Variants in ASAP2 observed in about 807,000 individuals in gnomAD.
ASAP2 encodes the protein ArfGAP with SH3 domain, ankyrin repeat and PH domain 2.
ASAP2 carries 45 observed loss-of-function variants against 131.4 expected under a neutral mutation model. That is an observed-to-expected ratio of 0.34 (90% CI 0.27 to 0.44). The LOEUF (loss-of-function observed/expected upper bound fraction) is 0.44. Ranked by LOEUF, ASAP2 falls within the 20% of genes least tolerant of loss-of-function variation. The probability of loss-of-function intolerance (pLI) is 1.00; values close to 1 mark genes in which losing one functional copy is unlikely to be tolerated. For missense variants in ASAP2, 1,011 were observed against 1,297.0 expected (o/e 0.78, Z 3.39); for synonymous variants, 510 against 503.0 (o/e 1.01, Z -0.19).
chr2:9,296,847 A>G (rs1327663315), intron 2 of ASAP2, among the ~76,000 whole-genome samples: 29 of 152,180 alleles, frequency 1.9e-4, no homozygotes, highest in Admixed American at 1.9e-3. Flanking sequence ...TGCAAAGACC[A>G]CTGCTGTTGC....
At position 9,392,694 on chromosome 2, in the gene ASAP2, C is replaced by T. The variant is rs969029272; in HGVS notation, c.2519-788C>T. Among the ~76,000 whole-genome samples the T allele has an allele frequency of 1.3e-5, 2 of 152,162 alleles. No individual in the cohort carries two copies. The highest frequency in any genetic ancestry group is 4.8e-5 in the African/African-American group (2 of 41,414). On this transcript the variant is annotated intron_variant, in intron 23 of 27. Coordinates refer to ENST00000281419, the MANE Select transcript of ASAP2 (RefSeq NM_003887.3). This position sits in a 1 kb window ranked among gnomAD's most constrained non-coding sequence, Gnocchi z 4.0. ...CATAAGCTGGATCCCTTCATGTTTC[C>T]CCACGCCAGTTTCCTCTCTGTGTAG...
At chr2:9,309,970 C>T (rs1669195739) in intron 3 of ASAP2, among the ~76,000 whole-genome samples, 1 of 152,206 alleles carries the variant, frequency 6.6e-6, no homozygotes, top group Non-Finnish European at 1.5e-5. Flanking sequence ...GCTCTGGCTC[C>T]TGGAGGTGGC....
chr2:9,225,083 G>T (rs1167700437), intron 1 of ASAP2, among the ~76,000 whole-genome samples: 1 of 152,206 alleles, frequency 6.6e-6, no homozygotes, highest in Non-Finnish European at 1.5e-5. Context: ...GCCTGTTTTT[G>T]TATGCAAAAA....
At chr2:9,256,490 A>G (rs1398446997) in intron 1 of ASAP2, among the ~76,000 whole-genome samples, 4 of 152,226 alleles carry the variant, frequency 2.6e-5, no homozygotes, top group South Asian at 2.1e-4. Context: ...TATCTGAGAT[A>G]AGGACTGCAA....
chr2:9,259,560 A>G (rs1404076223), intron 1 of ASAP2, among the ~76,000 whole-genome samples: 1 of 77,078 alleles, frequency 1.3e-5, no homozygotes, highest in Non-Finnish European at 2.7e-5. Flanking sequence ...TTTCAGCCCA[A>G]AACCTTAAGG....
chr2:9,270,944 C>T (rs539173145), intron 1 of ASAP2, among the ~76,000 whole-genome samples: 9 of 151,820 alleles, frequency 5.9e-5, no homozygotes, highest in Middle Eastern at 3.4e-3. Context: ...AGGTGCCCGC[C>T]ACTACGCCCG....
intron 9 of ASAP2, 134 bp from the exon 10 acceptor site, chr2:9,344,398 G>A: frequency 1.5e-6 from 1 of 681,000 alleles, no homozygotes; most frequent in Non-Finnish European, 2.5e-6. Context: ...TTGCTGTGTT[G>A]AGAAAGGGAA....
At chr2:9,258,884 C>T (rs1156451381) in intron 1 of ASAP2, among the ~76,000 whole-genome samples, 2 of 152,242 alleles carry the variant, frequency 1.3e-5, no homozygotes, top group African/African-American at 4.8e-5. Context: ...TTTTAGGACT[C>T]AGCATTTTAG....
Position 9,216,836 on chromosome 2 carries a change from T to C in ASAP2, c.126+9606T>C, listed in dbSNP as rs553152830. Among the ~76,000 whole-genome samples, 5 of 152,218 alleles carry C rather than the reference T, an allele frequency of 3.3e-5. No homozygotes were observed. The East Asian group carries it at 5.8e-4, about 18-fold the overall frequency. On this transcript the variant is annotated intron_variant, in intron 1 of 27. Transcript: ENST00000281419. Reference sequence around the variant, plus strand: ...CTGGTCTTGAACTCCTGGACTCAAGTGATCCTCCTGCCTTGCCCTCCCAAA... The same window carrying C: ...CTGGTCTTGAACTCCTGGACTCAAGCGATCCTCCTGCCTTGCCCTCCCAAA...
chr2:9,230,015 G>A (rs904042461), intron 1 of ASAP2, among the ~76,000 whole-genome samples: 1 of 152,190 alleles, frequency 6.6e-6, no homozygotes, highest in Non-Finnish European at 1.5e-5. Context: ...GAAGCTGCTG[G>A]TTGAGAACAG....
At position 9,389,683 on chromosome 2, in the gene ASAP2, T is replaced by C. The variant is rs1462571316; in HGVS notation, c.2383+1137T>C. ...ACCTGTCATGTGAGTCACTGAGTCA[T>C]ACCCCGAAGAACAAACCTGCTGAGA... On this transcript the variant is annotated intron_variant, in intron 22 of 27. Coordinates refer to ENST00000281419, the MANE Select transcript of ASAP2 (RefSeq NM_003887.3). This position sits in a 1 kb window ranked among gnomAD's most constrained non-coding sequence, Gnocchi z 4.7. Among the ~76,000 whole-genome samples, 1 of 152,138 alleles carries C rather than the reference T, an allele frequency of 6.6e-6. No individual in the cohort carries two copies. The highest frequency in any genetic ancestry group is 1.5e-5 in the Non-Finnish European group (1 of 68,032).
intron 14 of ASAP2, among the ~76,000 whole-genome samples, chr2:9,357,688 C>G (rs1261996265): frequency 6.6e-6 from 1 of 152,106 alleles, no homozygotes; most frequent in Non-Finnish European, 1.5e-5. Context: ...TGTAGAGTCA[C>G]CTAAATGGAT....
chr2:9,350,554 G>C, intron 11 of ASAP2: 1 of 364,224 alleles, frequency 2.7e-6, no homozygotes, highest in Non-Finnish European at 5.0e-6. Flanking sequence ...GGCATCGCTT[G>C]TCCTCTTGTC....
intron 1 of ASAP2, among the ~76,000 whole-genome samples, chr2:9,230,629 G>A (rs1451976081): frequency 6.6e-6 from 1 of 152,164 alleles, no homozygotes; most frequent in Admixed American, 6.5e-5. Flanking sequence ...TGGATGAGGT[G>A]CCTGCATCCC....
intron 3 of ASAP2, among the ~76,000 whole-genome samples, chr2:9,313,636 G>A (rs1305757646): frequency 3.3e-5 from 5 of 152,184 alleles, no homozygotes; most frequent in East Asian, 1.9e-4. Flanking sequence ...GTTCTAGACC[G>A]CACAGCATTG....
intron 24 of ASAP2, among the ~76,000 whole-genome samples, chr2:9,397,624 C>G (rs565761346): frequency 2.0e-5 from 3 of 150,664 alleles, no homozygotes; most frequent in South Asian, 4.2e-4. Flanking sequence ...CAAACTATGG[C>G]TCACAGGCCA....
chr2:9,265,292 C>T (rs1356329754), intron 1 of ASAP2, among the ~76,000 whole-genome samples: 1 of 152,206 alleles, frequency 6.6e-6, no homozygotes, highest in Non-Finnish European at 1.5e-5. Context: ...TGACAACATT[C>T]TACATTACGA....
chr2:9,383,891 T>C (rs1490825684), intron 20 of ASAP2, among the ~76,000 whole-genome samples: 1 of 152,142 alleles, frequency 6.6e-6, no homozygotes, highest in Admixed American at 6.5e-5. Flanking sequence ...GAAACCATCA[T>C]TCTGAGCAAA....
intron 9 of ASAP2, among the ~76,000 whole-genome samples, chr2:9,335,544 G>A (rs1457759194): frequency 3.3e-5 from 5 of 152,160 alleles, no homozygotes; most frequent in African/African-American, 1.2e-4. Context: ...CGTGGACTCT[G>A]CCCCTTTAGG....
Sources: allele counts gnomAD v4.1 joint callset (sites outside exome capture counted in the v4.1 genomes callset), GRCh38; gene constraint gnomAD v4.1.1; non-coding constraint Gnocchi (gnomAD v3.1); transcripts MANE v1.5; gene names NCBI Gene and HGNC (gene_info 2026-07-23, HGNC 2026-07-21).